CAND2: variants seen among roughly 807,000 people sequenced by gnomAD.
The protein encoded by CAND2 is cullin-associated NEDD8-dissociated protein 2.
In CAND2, 62 loss-of-function variants were observed where a neutral mutation model predicts 98.9. The observed-to-expected ratio is 0.63, with a 90% CI of 0.51 to 0.77. The LOEUF is 0.77. Ranked by LOEUF, CAND2 falls within the 30% of genes least tolerant of loss-of-function variation. The pLI is 0.00. For synonymous variants in CAND2, 770 were observed against 731.9 expected (o/e 1.05, Z -0.84); for missense variants, 1,501 against 1,655.2 (o/e 0.91, Z 1.62).
At chr3:12,824,325 A>C (rs2061982196) in intron 11 of CAND2, among the ~76,000 whole-genome samples, 1 of 152,234 alleles carries the variant, frequency 6.6e-6, no homozygotes, top group African/African-American at 2.4e-5. Context: ...TTTATAAAGA[A>C]GAGAAATTCA....
chr3:12,816,538 A>G lies in CAND2; in HGVS notation c.1606A>G (p.Lys536Glu), dbSNP rs763813570. ...VMACVADSFY[K>E]IAAEALVVLQ... ...GGCCTGTGTGGCTGACTCTTTCTACAAGATTGCAGCCGAGGCCCTGGTGGT... is the reference window on the plus strand; with the variant it reads ...GGCCTGTGTGGCTGACTCTTTCTACGAGATTGCAGCCGAGGCCCTGGTGGT... The change falls in exon 10 of 15, where the codon AAG becomes GAG. Residue 536 changes from lysine (K) to glutamate (E), a missense_variant. Physicochemically the swap from Lys to Glu is moderately conservative, Grantham distance 56. Around this residue, in one of 3 missense-constraint regions of CAND2, gnomAD observed 1,427 missense variants for 1,545.3 expected, o/e 0.92. Coordinates refer to ENST00000456430, the MANE Select transcript of CAND2 (RefSeq NM_001162499.2). 5 of 1,613,904 alleles carry G rather than the reference A, an allele frequency of 3.1e-6. No individual in the cohort carries two copies. Among genetic ancestry groups the G allele is most frequent in the Non-Finnish European group, 4.2e-6 (5 of 1,179,992 alleles).
intron 2 of CAND2, among the ~76,000 whole-genome samples, chr3:12,806,788 C>T (rs1338258706): frequency 6.6e-6 from 1 of 152,188 alleles, no homozygotes; most frequent in Non-Finnish European, 1.5e-5. Context: ...CCTGAGATTC[C>T]ACATCCTGAA....
chr3:12,832,519 C>T (rs1360087962), intron 14 of CAND2: 2 of 152,162 alleles, frequency 1.3e-5, no homozygotes, highest in Non-Finnish European at 2.9e-5. Flanking sequence ...TCTGGCCACG[C>T]GGAGGATGCT....
chr3:12,828,854 C>G (rs1346782970), intron 13 of CAND2, among the ~76,000 whole-genome samples: 2 of 152,100 alleles, frequency 1.3e-5, no homozygotes, highest in Non-Finnish European at 2.9e-5. Flanking sequence ...ACTTGTTTCA[C>G]TTAGTCTGAT....
rs761690045 is a variant in CAND2 at position 12,817,204 on chromosome 3, G to A, written c.2272G>A (p.Glu758Lys). The change falls in exon 10 of 15, where the codon GAA becomes AAA. Residue 758 changes from glutamate to lysine, a missense_variant. Glu to Lys is a moderately conservative substitution (Grantham distance 56). Around this residue, in one of 3 missense-constraint regions of CAND2, gnomAD observed 1,427 missense variants for 1,545.3 expected, o/e 0.92. Coordinates refer to ENST00000456430, the MANE Select transcript of CAND2 (RefSeq NM_001162499.2). ...GCCAGCCGGGGTTCTGGCAGCTGCTGAAGGCTTCCTGCAGGCCCTGGTAGG... is the reference window on the plus strand; with the variant it reads ...GCCAGCCGGGGTTCTGGCAGCTGCTAAAGGCTTCCTGCAGGCCCTGGTAGG... The part of the protein sequence containing the change: ...LLPAGVLAAA[E>K]GFLQALVGTR... 1.2e-6 allele frequency: 2 copies of A among 1,613,534 alleles called. No homozygotes were observed. Among genetic ancestry groups the A allele is most frequent in the South Asian group, 1.1e-5 (1 of 91,084 alleles).
intron 13 of CAND2, 144 bp downstream of exon 13, chr3:12,827,748 G>C: frequency 1.3e-6 from 1 of 772,806 alleles, no homozygotes; most frequent in Non-Finnish European, 2.0e-6. Context: ...ATAAGAAAAG[G>C]AACCTGTGTC....
At chr3:12,800,714 G>GTTTTGT (rs1305962602) in intron 1 of CAND2, among the ~76,000 whole-genome samples, 12 of 152,196 alleles carry the variant, frequency 7.9e-5, no homozygotes, top group Admixed American at 5.9e-4. Flanking sequence ...GGAAGTCAGT[G>GTTTTGT]TTTTGTTTTT....
chr3:12,820,313 G>A (rs1405993416), intron 11 of CAND2, 132 bp downstream of exon 11: 6 of 619,070 alleles, frequency 9.7e-6, no homozygotes, highest in South Asian at 2.2e-5. Flanking sequence ...TGGGCAGCAG[G>A]GCCTGGCCCT....
chr3:12,798,281 C>G (rs192627928), intron 1 of CAND2, among the ~76,000 whole-genome samples: 1 of 147,456 alleles, frequency 6.8e-6, no homozygotes, highest in East Asian at 1.9e-4. Flanking sequence ...TTGACCTCCT[C>G]CCTTCATCTG....
chr3:12,810,609 A>T (rs2061844890), intron 5 of CAND2, among the ~76,000 whole-genome samples: 1 of 152,196 alleles, frequency 6.6e-6, no homozygotes, highest in Non-Finnish European at 1.5e-5. Flanking sequence ...GCCCCTGCTG[A>T]GTGCAGACGG....
intron 13 of CAND2, among the ~76,000 whole-genome samples, chr3:12,830,909 T>A (rs1023626231): frequency 6.6e-5 from 10 of 152,298 alleles, no homozygotes; most frequent in African/African-American, 2.4e-4. Context: ...AACCAGTCTT[T>A]ATGGTGTGCA....
intron 1 of CAND2, among the ~76,000 whole-genome samples, chr3:12,801,449 C>A (rs1333331509): frequency 6.6e-6 from 1 of 152,222 alleles, no homozygotes; most frequent in Admixed American, 6.5e-5. Context: ...TAGTTTCAGA[C>A]CTCTGCTCCT....
intron 14 of CAND2, among the ~76,000 whole-genome samples, chr3:12,832,994 C>G (rs923121662): frequency 6.6e-6 from 1 of 152,144 alleles, no homozygotes; most frequent in African/African-American, 2.4e-5. Flanking sequence ...ACTCTTACGA[C>G]GAGGCAGCTC....
rs545916574 is a variant in CAND2, at chr3:12,828,339, T to G, written c.3375+735T>G. ...ACTTACTATCTGCAGGTGAAGTGTT[T>G]TTTTTTTTTTTTTTTTGAGACAGGG... On this transcript the variant is annotated intron_variant, in intron 13 of 14. Transcript: ENST00000456430. Among the ~76,000 whole-genome samples, 1,140 of 148,374 alleles carry G rather than the reference T, an allele frequency of 7.7e-3. 20 individuals are homozygous for G. Among genetic ancestry groups the G allele is most frequent in the African/African-American group, 0.027 (1,088 of 40,146 alleles).
At position 12,817,680 on chromosome 3, in the gene CAND2, C is replaced by T. The variant is rs748309689; in HGVS notation, c.2748C>T (p.His916=). The change falls in exon 10 of 15, where the codon CAC becomes CAT. Residue 916 remains histidine, a synonymous_variant. Transcript: ENST00000456430. ...CCCGACGACAGTACCTGCTGCTGCA[C>T]TCACTCAGGGAGGCCCTGGGGGCCG... ...AEPRRQYLLL[H]SLREALGAAQ... 1 of 1,608,398 alleles carries T rather than the reference C, an allele frequency of 6.2e-7. No individual in the cohort carries two copies. Among genetic ancestry groups the T allele is most frequent in the South Asian group, 1.1e-5 (1 of 90,070 alleles).
At chr3:12,813,118 G>C in intron 6 of CAND2, 23 bp downstream of exon 6, 1 of 1,569,248 alleles carries the variant, frequency 6.4e-7, no homozygotes, top group Non-Finnish European at 8.7e-7. Context: ...GGGTTGCCTG[G>C]GGATCCCTTT....
chr3:12,812,198 C>T (rs150056113), intron 5 of CAND2, among the ~76,000 whole-genome samples: 2,621 of 141,980 alleles, frequency 0.018, 76 homozygotes, highest in African/African-American at 0.065. Context: ...TGTGAGCCAC[C>T]ATGCCCGGCC....
chr3:12,824,864 C>T (rs552933132), intron 11 of CAND2, among the ~76,000 whole-genome samples: 15 of 152,260 alleles, frequency 9.9e-5, no homozygotes, highest in African/African-American at 3.4e-4. Context: ...GCCGAGATCA[C>T]ACCACTGCAC....
At chr3:12,812,726 C>T (rs889575824) in intron 5 of CAND2, among the ~76,000 whole-genome samples, 1 of 152,180 alleles carries the variant, frequency 6.6e-6, no homozygotes, top group South Asian at 2.1e-4. Flanking sequence ...TTTATCTTCA[C>T]AAAATCTCTG....
Sources: allele counts gnomAD v4.1 joint callset (sites outside exome capture counted in the v4.1 genomes callset), GRCh38; gene constraint gnomAD v4.1.1; regional missense constraint gnomAD v4.1.1; transcripts MANE v1.5; gene names NCBI Gene and HGNC (gene_info 2026-07-23, HGNC 2026-07-21).